ROBO2: variants seen among roughly 807,000 people sequenced by gnomAD.
The protein encoded by ROBO2 is roundabout guidance receptor 2.
A neutral mutation model predicts 160.8 loss-of-function variants in ROBO2; 53 were observed. The observed-to-expected ratio is 0.33, with a 90% CI of 0.26 to 0.41. The LOEUF is 0.41. ROBO2 is among the 10% of genes least tolerant of loss of function. The pLI is 1.00. For synonymous variants in ROBO2, 664 were observed against 611.7 expected, an observed-to-expected ratio of 1.09 and a Z score of -1.26; for missense variants, 1,577 against 1,722.4, an observed-to-expected ratio of 0.92 and a Z score of 1.49.
At chr3:77,004,876 C>A (rs1392988309) in intron 2 of ROBO2, among the ~76,000 whole-genome samples, 1 of 152,078 alleles carries the variant, frequency 6.6e-6, no homozygotes, top group Non-Finnish European at 1.5e-5. Context: ...ACACAGTATT[C>A]CCCAGAATTA....
At chr3:76,568,391 G>A (rs534689783) in intron 2 of ROBO2, among the ~76,000 whole-genome samples, 136 of 151,926 alleles carry the variant, frequency 9.0e-4, no homozygotes, top group Non-Finnish European at 1.6e-3. Flanking sequence ...TCCGCCTCCC[G>A]GGTTCACACC....
At chr3:77,016,447 G>A (rs562708394) in intron 2 of ROBO2, among the ~76,000 whole-genome samples, 7 of 151,920 alleles carry the variant, frequency 4.6e-5, no homozygotes, top group African/African-American at 1.7e-4. Context: ...CCCTATCTTC[G>A]TATGCATTGA....
chr3:76,439,819 T>G (rs1177638051), intron 2 of ROBO2, among the ~76,000 whole-genome samples: 1 of 152,120 alleles, frequency 6.6e-6, no homozygotes, highest in Non-Finnish European at 1.5e-5. Flanking sequence ...CCTCCTACCC[T>G]CTTTCTTTTG....
At chr3:76,619,585 C>T (rs1260834310) in intron 2 of ROBO2, among the ~76,000 whole-genome samples, 2 of 152,172 alleles carry the variant, frequency 1.3e-5, no homozygotes, top group African/African-American at 4.8e-5. Context: ...AAGTTATTGT[C>T]TAACTCCAGC....
intron 2 of ROBO2, among the ~76,000 whole-genome samples, chr3:76,529,025 A>C: frequency 6.6e-6 from 1 of 152,194 alleles, no homozygotes; most frequent in Non-Finnish European, 1.5e-5. Flanking sequence ...AGCAGTTTTT[A>C]TAGAGTGTGG....
chr3:77,196,738 T>C (rs188517578), intron 2 of ROBO2, among the ~76,000 whole-genome samples: 3 of 152,160 alleles, frequency 2.0e-5, no homozygotes, highest in Non-Finnish European at 4.4e-5. Flanking sequence ...AGTTAAGTCA[T>C]AGGTGGAGTT....
At chr3:77,559,564 A>G (rs1212401675) in intron 9 of ROBO2, among the ~76,000 whole-genome samples, 1 of 152,136 alleles carries the variant, frequency 6.6e-6, no homozygotes, top group Non-Finnish European at 1.5e-5. Context: ...GAAGAAAAAC[A>G]AAGCAAAACA....
At chr3:77,047,690 A>C (rs1228675354) in intron 1 of ROBO2, among the ~76,000 whole-genome samples, 1 of 148,806 alleles carries the variant, frequency 6.7e-6, no homozygotes, top group Non-Finnish European at 1.5e-5. Context: ...CGTCTCAAAA[A>C]AATATATATA....
intron 2 of ROBO2, among the ~76,000 whole-genome samples, chr3:77,371,674 T>C (rs1042250319): frequency 6.6e-6 from 1 of 152,202 alleles, no homozygotes; most frequent in South Asian, 2.1e-4. Context: ...AAGTTCAAAA[T>C]ACATTTACTG....
chr3:77,493,420 C>A (rs747751754), intron 5 of ROBO2, 38 bp downstream of exon 5: 4 of 1,605,300 alleles, frequency 2.5e-6, no homozygotes, highest in African/African-American at 1.3e-5. Flanking sequence ...GTTAGATAAC[C>A]AATGAATAAT....
chr3:76,211,836 C>T (rs986410), intron 2 of ROBO2, among the ~76,000 whole-genome samples: 92,430 of 151,714 alleles, frequency 0.61, 28,449 homozygotes, highest in African/African-American at 0.67. Context: ...ACTTGATATA[C>T]CTAAAGTATA....
chr3:76,822,936 A>AT (rs1398332138), intron 2 of ROBO2, among the ~76,000 whole-genome samples: 1 of 151,974 alleles, frequency 6.6e-6, no homozygotes, highest in Non-Finnish European at 1.5e-5. Context: ...AAAACAAGGT[A>AT]TTTTTCTTAT....
chr3:77,527,416 TAA>T lies in ROBO2; in HGVS notation c.934+4515_934+4516del, dbSNP rs2091270797. The T allele has an allele frequency of 7.8e-7, 1 of 1,288,114 alleles. No individual in the cohort carries two copies. Among genetic ancestry groups the T allele is most frequent in the Non-Finnish European group, 1.0e-6 (1 of 987,840 alleles). 79.8% of individuals were successfully genotyped at this position (1,288,114 alleles called of 1,614,324 possible). On this transcript the variant is annotated intron_variant, in intron 6 of 25. Coordinates refer to ENST00000461745, the Ensembl canonical transcript of ROBO2. ...TAATGTCTACAGCTCGCCCTGTTGG[TAA>T]GTAGCCATCCTTCTATCCACTAAGC...
chr3:76,505,422 A>G (rs2107686478), intron 2 of ROBO2, among the ~76,000 whole-genome samples: 1 of 152,248 alleles, frequency 6.6e-6, no homozygotes, highest in African/African-American at 2.4e-5. Context: ...GTGACCTCCA[A>G]GAGGGTATGT....
intron 2 of ROBO2, among the ~76,000 whole-genome samples, chr3:76,779,263 T>G (rs2062476892): frequency 6.6e-6 from 1 of 151,042 alleles, no homozygotes; most frequent in East Asian, 2.0e-4. Context: ...CTCATGAAAC[T>G]ATCAATATCG....
At chr3:77,307,429 C>T (rs964278995) in intron 2 of ROBO2, among the ~76,000 whole-genome samples, 11 of 152,062 alleles carry the variant, frequency 7.2e-5, no homozygotes, top group African/African-American at 2.4e-4. Flanking sequence ...TGAAGTGAAT[C>T]AAGTCAAAGT....
chr3:77,047,946 C>G (rs914920510), intron 1 of ROBO2, among the ~76,000 whole-genome samples: 2 of 151,936 alleles, frequency 1.3e-5, no homozygotes, highest in Admixed American at 1.3e-4. Flanking sequence ...ACTTGGGAGG[C>G]TGAGGCAGGA....
At chr3:76,206,926 C>T (rs1300234053) in intron 2 of ROBO2, among the ~76,000 whole-genome samples, 1 of 152,136 alleles carries the variant, frequency 6.6e-6, no homozygotes, top group African/African-American at 2.4e-5. Flanking sequence ...AGCCTCAGAG[C>T]CACACAATCC....
intron 1 of ROBO2, among the ~76,000 whole-genome samples, chr3:77,075,672 C>T (rs1176064969): frequency 1.3e-4 from 11 of 87,262 alleles, no homozygotes; most frequent in East Asian, 8.7e-4. Context: ...TTTCTTTCTC[C>T]TTTTTTTTTT....
Sources: gnomAD v4.1 joint callset for allele counts (sites outside exome capture counted in the v4.1 genomes callset) on GRCh38, gnomAD v4.1.1 for gene constraint, MANE v1.5 for transcripts, NCBI Gene and HGNC (gene_info 2026-07-23, HGNC 2026-07-21) for gene names.